C12orf42: variants seen among roughly 807,000 people sequenced by gnomAD.
C12orf42 encodes the protein chromosome 12 open reading frame 42, also known as uncharacterized protein C12orf42.
Under a neutral mutation model 21.6 loss-of-function variants are expected in C12orf42, and 25 were observed. That is an observed-to-expected ratio of 1.16 (90% CI 0.84 to 1.62). The LOEUF is 1.62. C12orf42 is among the 40% of genes most tolerant of loss of function. The pLI is 0.00. For missense variants in C12orf42, 483 were observed against 459.3 expected, an observed-to-expected ratio of 1.05 and a Z score of -0.47; for synonymous variants, 174 against 175.0, an observed-to-expected ratio of 0.99 and a Z score of 0.05.
At chr12:103,158,875 A>T in the C12orf42 span, among the ~76,000 whole-genome samples, 7 of 69,242 alleles carry the variant, frequency 1.0e-4, no homozygotes, top group Non-Finnish European at 1.4e-4. Context: ...GCAAGACTCA[A>T]AAAAAAAAAA....
chr12:103,483,916 G>T (rs998269322), intron 1 of C12orf42, among the ~76,000 whole-genome samples: 1 of 152,056 alleles, frequency 6.6e-6, no homozygotes, highest in Non-Finnish European at 1.5e-5. Context: ...GCAGTGTTTG[G>T]TTTTCTGTCC....
the C12orf42 span, among the ~76,000 whole-genome samples, chr12:103,054,544 GT>G: frequency 2.6e-5 from 4 of 151,752 alleles, no homozygotes; most frequent in African/African-American, 9.7e-5. Flanking sequence ...ACTGTTACAT[GT>G]TTTTTCACTT....
the C12orf42 span, among the ~76,000 whole-genome samples, chr12:103,200,115 C>T: frequency 5.5e-4 from 84 of 151,996 alleles, 1 homozygote; most frequent in Middle Eastern, 0.02. Context: ...AAAAAAAATA[C>T]GGTATACACA....
chr12:103,427,443 T>C (rs560392645), intron 2 of C12orf42, among the ~76,000 whole-genome samples: 129 of 151,538 alleles, frequency 8.5e-4, no homozygotes, highest in Non-Finnish European at 1.5e-3. Context: ...CTTAAATATA[T>C]ATGCACCCAG....
chr12:103,431,919 G>C, intron 2 of C12orf42, among the ~76,000 whole-genome samples: 1 of 152,250 alleles, frequency 6.6e-6, no homozygotes, highest in East Asian at 1.9e-4. Flanking sequence ...GAGCAGGAGT[G>C]AGTTTATTTT....
chr12:103,363,202 C>T (rs1485971209), intron 4 of C12orf42, among the ~76,000 whole-genome samples: 1 of 152,048 alleles, frequency 6.6e-6, no homozygotes, highest in Non-Finnish European at 1.5e-5. Context: ...TTCAGCCTCC[C>T]TAAACAAAAC....
chr12:103,170,659 A>C, the C12orf42 span, among the ~76,000 whole-genome samples: 1 of 151,990 alleles, frequency 6.6e-6, no homozygotes, highest in Non-Finnish European at 1.5e-5. Context: ...GATCTTCAAC[A>C]AGTTTCTGCA....
intron 4 of C12orf42, among the ~76,000 whole-genome samples, chr12:103,323,426 G>T (rs1566080063): frequency 6.6e-6 from 1 of 152,066 alleles, no homozygotes; most frequent in Non-Finnish European, 1.5e-5. Flanking sequence ...TGAATTAAGG[G>T]GCCAACTTAC....
chr12:103,146,612 A>G, the C12orf42 span, among the ~76,000 whole-genome samples: 26,114 of 116,546 alleles, frequency 0.22, 2,983 homozygotes, highest in Admixed American at 0.31. Flanking sequence ...AAGAAAGAAA[A>G]AGAAAAGTAA....
the C12orf42 span, among the ~76,000 whole-genome samples, chr12:103,201,689 T>C: frequency 6.6e-6 from 1 of 152,306 alleles, no homozygotes; most frequent in African/African-American, 2.4e-5. Flanking sequence ...CAACTTCTGA[T>C]GGCCAGCCAC....
chr12:103,242,411 G>T (rs574987394), intron 10 of C12orf42, among the ~76,000 whole-genome samples: 26 of 152,278 alleles, frequency 1.7e-4, no homozygotes, highest in African/African-American at 6.0e-4. Flanking sequence ...GCACTGGTAA[G>T]ACCACATCAA....
At chr12:103,397,470 T>C (rs2047632276) in intron 3 of C12orf42, among the ~76,000 whole-genome samples, 1 of 152,158 alleles carries the variant, frequency 6.6e-6, no homozygotes, top group Non-Finnish European at 1.5e-5. Flanking sequence ...CGAACCCTAT[T>C]GTGAACTGTG....
chr12:103,541,156 G>A, the C12orf42 span, among the ~76,000 whole-genome samples: 1 of 151,940 alleles, frequency 6.6e-6, no homozygotes, highest in Non-Finnish European at 1.5e-5. Flanking sequence ...CACCAGCCTC[G>A]GCCTCCCAAA....
chr12:103,525,785 T>TGGCC, the C12orf42 span, among the ~76,000 whole-genome samples: 1 of 152,158 alleles, frequency 6.6e-6, no homozygotes, highest in East Asian at 1.9e-4. Flanking sequence ...ATCCCAGCAC[T>TGGCC]TTGAGAGGCC....
At chr12:103,518,776 C>T in the C12orf42 span, among the ~76,000 whole-genome samples, 1 of 152,168 alleles carries the variant, frequency 6.6e-6, no homozygotes, top group South Asian at 2.1e-4. Context: ...TTCCAGGCAT[C>T]CTGATCTCTT....
chr12:103,471,310 G>C (rs1006734482), intron 2 of C12orf42, among the ~76,000 whole-genome samples: 1 of 152,082 alleles, frequency 6.6e-6, no homozygotes, highest in African/African-American at 2.4e-5. Context: ...TTTCCTGTTG[G>C]CATTAAAATG....
the C12orf42 span, among the ~76,000 whole-genome samples, chr12:103,123,325 C>T: frequency 6.6e-6 from 1 of 152,124 alleles, no homozygotes; most frequent in Non-Finnish European, 1.5e-5. Context: ...AATCCTCAGA[C>T]TGACTGGGTG....
intron 1 of C12orf42, among the ~76,000 whole-genome samples, chr12:103,487,196 C>T (rs1271480804): frequency 6.6e-6 from 1 of 152,084 alleles, no homozygotes; most frequent in Non-Finnish European, 1.5e-5. Flanking sequence ...TTATTTCTGC[C>T]TTCATTTCGT....
At chr12:103,441,387 C>T (rs1451579075) in intron 2 of C12orf42, 2 of 152,136 alleles carry the variant, frequency 1.3e-5, no homozygotes, top group East Asian at 3.9e-4. Flanking sequence ...TGAAACTGAT[C>T]ATTAAAAGGA....
Sources: gnomAD v4.1 joint callset for allele counts (sites outside exome capture counted in the v4.1 genomes callset) on GRCh38, gnomAD v4.1.1 for gene constraint, MANE v1.5 for transcripts, NCBI Gene and HGNC (gene_info 2026-07-23, HGNC 2026-07-21) for gene names.